Variants in PACSIN1 observed in about 807,000 individuals in gnomAD.
PACSIN1 encodes the protein protein kinase C and casein kinase substrate in neurons 1.
PACSIN1 carries 15 observed loss-of-function variants against 59.5 expected under a neutral mutation model. The ratio of observed to expected loss-of-function variants is 0.25; its 90% CI spans 0.17 to 0.39. PACSIN1 has a LOEUF of 0.39. Ranked by LOEUF, PACSIN1 falls within the 10% of genes least tolerant of loss-of-function variation. The pLI is 1.00. For missense variants in PACSIN1, 420 were observed against 580.2 expected (o/e 0.72, Z 2.84); for synonymous variants, 210 against 220.6 (o/e 0.95, Z 0.42).
intron 1 of PACSIN1, among the ~76,000 whole-genome samples, chr6:34,499,890 A>G (rs1196767776): frequency 6.6e-6 from 1 of 152,234 alleles, no homozygotes; most frequent in Non-Finnish European, 1.5e-5. Context: ...AAGCACAGGC[A>G]ACAAAAGGAA....
At chr6:34,522,852 G>C (rs1581983573) in intron 1 of PACSIN1, among the ~76,000 whole-genome samples, 1 of 152,222 alleles carries the variant, frequency 6.6e-6, no homozygotes, top group South Asian at 2.1e-4. Context: ...GGCAGGAGAA[G>C]AGCGTCAGCT....
rs756574974 is a variant in PACSIN1, at chr6:34,488,105, C to A, written c.-64+21835C>A. On this transcript the variant is annotated intron_variant, in intron 1 of 9. Coordinates refer to ENST00000244458, the MANE Select transcript of PACSIN1 (RefSeq NM_020804.5). This position sits in a 1 kb window ranked among gnomAD's most constrained non-coding sequence, Gnocchi z 4.7. ...CTTCAATGACCCTGACCTTGGCCAGCACCTCTGTTGGTCTGGGTGGCTTCC... is the reference window on the plus strand; with the variant it reads ...CTTCAATGACCCTGACCTTGGCCAGAACCTCTGTTGGTCTGGGTGGCTTCC... Among the ~76,000 whole-genome samples the A allele has an allele frequency of 5.9e-5, 9 of 152,164 alleles. No homozygotes were observed. The highest frequency in any genetic ancestry group is 1.3e-4 in the Non-Finnish European group (9 of 68,016).
Position 34,516,282 on chromosome 6 carries a change from G to T in PACSIN1, c.-63-9961G>T, listed in dbSNP as rs368799620. 6.6e-6 allele frequency among the ~76,000 whole-genome samples: 1 copy of T among 152,166 alleles called. No homozygotes were observed. Among genetic ancestry groups the T allele is most frequent in the African/African-American group, 2.4e-5 (1 of 41,434 alleles). ...GGGGCATACACGCTGAGAAGCTGGCGTGGCTCTGCTCATTTCTGCAAACGT... is the reference window on the plus strand; with the variant it reads ...GGGGCATACACGCTGAGAAGCTGGCTTGGCTCTGCTCATTTCTGCAAACGT... On this transcript the variant is annotated intron_variant, in intron 1 of 9. Coordinates refer to ENST00000244458, the MANE Select transcript of PACSIN1 (RefSeq NM_020804.5). This position sits in a 1 kb window ranked among gnomAD's most constrained non-coding sequence, Gnocchi z 5.4.
At chr6:34,509,666 TA>T (rs1268725669) in intron 1 of PACSIN1, among the ~76,000 whole-genome samples, 1 of 152,228 alleles carries the variant, frequency 6.6e-6, no homozygotes, top group African/African-American at 2.4e-5. Context: ...ATGGATATTT[TA>T]AGAATATTAA....
In PACSIN1 at chr6:34,525,938, C is replaced by G. The variant is rs1415821717; in HGVS notation, c.-63-305C>G. ...ACTGAGGAGGCGCTGAGCCTGGGCT[C>G]CAACAGTCCAGGAGAGAGAGCCAGC... On this transcript the variant is annotated intron_variant, in intron 1 of 9. Coordinates refer to ENST00000244458, the MANE Select transcript of PACSIN1 (RefSeq NM_020804.5). This position sits in a 1 kb window ranked among gnomAD's most constrained non-coding sequence, Gnocchi z 4.9. Among the ~76,000 whole-genome samples the G allele has an allele frequency of 1.3e-5, 2 of 151,998 alleles. No homozygotes were observed. The highest frequency in any genetic ancestry group is 4.8e-5 in the African/African-American group (2 of 41,368).
intron 1 of PACSIN1, among the ~76,000 whole-genome samples, chr6:34,523,051 G>C (rs762731458): frequency 6.6e-6 from 1 of 152,180 alleles, no homozygotes; most frequent in African/African-American, 2.4e-5. Flanking sequence ...CCAGCTCTCC[G>C]GGTATCCCCT....
intron 1 of PACSIN1, among the ~76,000 whole-genome samples, chr6:34,486,021 C>T (rs1766788405): frequency 6.6e-6 from 1 of 152,290 alleles, no homozygotes; most frequent in Admixed American, 6.5e-5. Flanking sequence ...GCCCTTTTGA[C>T]TTTCTCTTAA....
intron 2 of PACSIN1, 69 bp downstream of exon 2, chr6:34,526,437 T>C: frequency 7.5e-7 from 1 of 1,325,556 alleles, no homozygotes; most frequent in Non-Finnish European, 1.1e-6. Flanking sequence ...GGCTCCCTTA[T>C]CACTCACCCC....
intron 4 of PACSIN1, 21 bp downstream of exon 4, chr6:34,528,898 C>CTGGGGGGG: frequency 3.4e-6 from 1 of 298,340 alleles, no homozygotes; most frequent in Non-Finnish European, 6.2e-6. Context: ...GGTGCTGCCA[C>CTGGGGGGG]GGGCGGGGTG....
intron 1 of PACSIN1, among the ~76,000 whole-genome samples, chr6:34,510,768 A>G (rs1217194359): frequency 6.6e-6 from 1 of 152,234 alleles, no homozygotes. Flanking sequence ...GTTGGAGTGC[A>G]GTGATGCGAT....
intron 1 of PACSIN1, among the ~76,000 whole-genome samples, chr6:34,470,650 T>C (rs1766559787): frequency 6.6e-6 from 1 of 151,416 alleles, no homozygotes; most frequent in Non-Finnish European, 1.5e-5. Flanking sequence ...AGTAGCTGAG[T>C]GCTACCATGC....
intron 1 of PACSIN1, among the ~76,000 whole-genome samples, chr6:34,501,765 C>T (rs1767027197): frequency 6.6e-6 from 1 of 152,150 alleles, no homozygotes; most frequent in Non-Finnish European, 1.5e-5. Context: ...GGTGCGGTGG[C>T]TCACGCCTGT....
At chr6:34,522,616 A>G (rs139822203) in intron 1 of PACSIN1, among the ~76,000 whole-genome samples, 12 of 152,290 alleles carry the variant, frequency 7.9e-5, no homozygotes, top group Non-Finnish European at 1.5e-4. Context: ...GAAGGGATTT[A>G]TTAGGGGAGC....
chr6:34,468,668 C>A (rs1014592972), intron 1 of PACSIN1, among the ~76,000 whole-genome samples: 1 of 152,224 alleles, frequency 6.6e-6, no homozygotes, highest in African/African-American at 2.4e-5. Flanking sequence ...AAATCTCTCA[C>A]CCTCGGGAGT....
intron 1 of PACSIN1, among the ~76,000 whole-genome samples, chr6:34,481,697 C>T: frequency 6.6e-6 from 1 of 151,802 alleles, no homozygotes. Flanking sequence ...AAAGAAAATA[C>T]CCTTGCTTTC....
chr6:34,509,932 T>A (rs1342005176), intron 1 of PACSIN1, among the ~76,000 whole-genome samples: 2 of 152,274 alleles, frequency 1.3e-5, no homozygotes, highest in Non-Finnish European at 1.5e-5. Context: ...ATCAGCTTGA[T>A]GTCTTGAGAT....
Position 34,535,084 on chromosome 6 carries a change from T to C in PACSIN1, c.*2554T>C, listed in dbSNP as rs1461457896. 1 of 152,540 alleles carries C rather than the reference T, an allele frequency of 6.6e-6. No homozygotes were observed. Among genetic ancestry groups the C allele is most frequent in the Non-Finnish European group, 1.5e-5 (1 of 68,050 alleles). The allele number at this position is 152,540 out of a possible 1,614,324, so 9.4% of individuals were successfully genotyped here. ...CTGACTCCATTAGTTCCGACACTTG[T>C]GAAACTCCGAGAAGTGCTGTGGTCT... On this transcript the variant is annotated 3_prime_UTR_variant, in exon 10 of 10. Coordinates refer to ENST00000244458, the MANE Select transcript of PACSIN1 (RefSeq NM_020804.5).
At position 34,516,387 on chromosome 6, in the gene PACSIN1, C is replaced by G. The variant is rs550358118; in HGVS notation, c.-63-9856C>G. Among the ~76,000 whole-genome samples the G allele has an allele frequency of 6.6e-6, 1 of 152,188 alleles. No individual in the cohort carries two copies. The highest frequency in any genetic ancestry group is 1.5e-5 in the Non-Finnish European group (1 of 68,018). On this transcript the variant is annotated intron_variant, in intron 1 of 9. Coordinates refer to ENST00000244458, the MANE Select transcript of PACSIN1 (RefSeq NM_020804.5). This position sits in a 1 kb window ranked among gnomAD's most constrained non-coding sequence, Gnocchi z 5.4. ...GCCTAGGAGGGAGAAGGGCAGGTCT[C>G]GGGGATGGCAGAAACGGGATGCAGA...
At position 34,531,961 on chromosome 6, in the gene PACSIN1, G is replaced by A. The variant is rs1767604453; in HGVS notation, c.1225+174G>A. On this transcript the variant is annotated intron_variant, in intron 9 of 9. Coordinates refer to ENST00000244458, the MANE Select transcript of PACSIN1 (RefSeq NM_020804.5). The surrounding 1 kb of genome is among the most constrained non-coding windows in gnomAD (Gnocchi z 4.4). Reference sequence around the variant, plus strand: ...CTGGATTGGGTGTGTGGTGGGGCAGGGGTGGTGCCTGAAAGAGAGGCTTGG... The same window carrying A: ...CTGGATTGGGTGTGTGGTGGGGCAGAGGTGGTGCCTGAAAGAGAGGCTTGG... Among the ~76,000 whole-genome samples, 1 of 151,682 alleles carries A rather than the reference G, an allele frequency of 6.6e-6. No individual in the cohort carries two copies. Among genetic ancestry groups the A allele is most frequent in the Non-Finnish European group, 1.5e-5 (1 of 67,928 alleles).
Sources: gnomAD v4.1 joint callset for allele counts (sites outside exome capture counted in the v4.1 genomes callset) on GRCh38, gnomAD v4.1.1 for gene constraint, Gnocchi (gnomAD v3.1) non-coding constraint, MANE v1.5 for transcripts, NCBI Gene and HGNC (gene_info 2026-07-23, HGNC 2026-07-21) for gene names.